PLD5: variants seen among roughly 807,000 people sequenced by gnomAD.
PLD5 encodes phospholipase D family member 5, also known as inactive phospholipase D5.
Under a neutral mutation model 61.1 loss-of-function variants are expected in PLD5, and 36 were observed. The ratio of observed to expected loss-of-function variants is 0.59; its 90% CI spans 0.45 to 0.78. PLD5 has a LOEUF of 0.78. Ranked by LOEUF, PLD5 falls within the 30% of genes least tolerant of loss-of-function variation. The pLI is 0.00. For missense variants in PLD5, 515 were observed against 644.4 expected (o/e 0.80, Z 2.17); for synonymous variants, 243 against 242.8 (o/e 1.00, Z -0.01).
intron 1 of PLD5, among the ~76,000 whole-genome samples, chr1:242,479,489 A>G (rs956931093): frequency 3.3e-5 from 5 of 152,174 alleles, no homozygotes; most frequent in Non-Finnish European, 5.9e-5. Flanking sequence ...TATAAACTGA[A>G]AAACCACTGC....
Position 242,109,708 on chromosome 1 carries a change from AT to A in PLD5, c.1071-1870del, listed in dbSNP as rs1373888190. Among the ~76,000 whole-genome samples the A allele has an allele frequency of 3.4e-5, 5 of 148,884 alleles. No homozygotes were observed. The East Asian group carries it at 5.8e-4, about 17-fold the overall frequency. ...ACCCTTTTCTGACAAATTCCTCATTATTTTTTTTCAAGAAATTTTTGTGGGG... is the reference window on the plus strand; with the variant it reads ...ACCCTTTTCTGACAAATTCCTCATTATTTTTTTCAAGAAATTTTTGTGGGG... On this transcript the variant is annotated intron_variant, in intron 7 of 9. Transcript: ENST00000536534.
intron 1 of PLD5, among the ~76,000 whole-genome samples, chr1:242,444,353 T>G (rs533191757): frequency 2.4e-4 from 36 of 152,246 alleles, no homozygotes; most frequent in Middle Eastern, 6.8e-3. Context: ...AGTTTTCAAG[T>G]ACCGGAGAAG....
At chr1:242,267,403 G>T (rs925925777) in intron 3 of PLD5, among the ~76,000 whole-genome samples, 6 of 152,176 alleles carry the variant, frequency 3.9e-5, no homozygotes, top group African/African-American at 1.4e-4. Flanking sequence ...TTGCACCATT[G>T]CACCTGTGCC....
At chr1:242,153,135 G>A (rs1014749233) in intron 5 of PLD5, among the ~76,000 whole-genome samples, 4 of 150,992 alleles carry the variant, frequency 2.6e-5, no homozygotes, top group African/African-American at 9.8e-5. Context: ...TCATATGTTT[G>A]TTGTCTGCAT....
intron 4 of PLD5, among the ~76,000 whole-genome samples, chr1:242,229,638 C>A (rs1014399554): frequency 2.4e-4 from 36 of 152,224 alleles, no homozygotes; most frequent in Admixed American, 1.1e-3. Context: ...TTGACATTAT[C>A]ATGAATGGAA....
chr1:242,428,945 C>CA (rs1326592657), intron 1 of PLD5, among the ~76,000 whole-genome samples: 2 of 152,150 alleles, frequency 1.3e-5, no homozygotes, highest in Non-Finnish European at 2.9e-5. Context: ...TTGAGGCTTC[C>CA]AGGCAAAGGT....
At chr1:242,444,657 TTTAA>T (rs1232163264) in intron 1 of PLD5, among the ~76,000 whole-genome samples, 3 of 328 alleles carry the variant, frequency 9.1e-3, no homozygotes, top group African/African-American at 0.05. Flanking sequence ...AATATAAATA[TTTAA>T]TTATACTATA....
At chr1:242,303,308 G>T (rs962264550) in intron 2 of PLD5, among the ~76,000 whole-genome samples, 1 of 152,190 alleles carries the variant, frequency 6.6e-6, no homozygotes, top group Non-Finnish European at 1.5e-5. Flanking sequence ...TCAGCCCATT[G>T]CTTCAAGCAG....
At chr1:242,368,390 G>GA (rs1661456549) in intron 1 of PLD5, among the ~76,000 whole-genome samples, 1 of 152,094 alleles carries the variant, frequency 6.6e-6, no homozygotes, top group African/African-American at 2.4e-5. Flanking sequence ...GGAGATCAAA[G>GA]ACCTGGACAC....
rs1574711702 is a variant in PLD5 at position 242,311,766 on chromosome 1, G to A, written c.327-23236C>T. On this transcript the variant is annotated intron_variant, in intron 2 of 9. Coordinates refer to ENST00000536534, the MANE Select transcript of PLD5 (RefSeq NM_001372062.1). ...CATTTATGTCTTTCCTCAAATTGGGGGTATTTTCTGTCATTGTTTCTTCAA... is the reference window on the plus strand; with the variant it reads ...CATTTATGTCTTTCCTCAAATTGGGAGTATTTTCTGTCATTGTTTCTTCAA... Among the ~76,000 whole-genome samples the A allele has an allele frequency of 7.9e-5, 12 of 152,012 alleles. 1 individual carries two copies. In the South Asian group the frequency reaches 2.5e-3, roughly 32 times the overall value.
intron 1 of PLD5, among the ~76,000 whole-genome samples, chr1:242,381,010 A>G (rs574595960): frequency 2.6e-5 from 4 of 152,340 alleles, no homozygotes; most frequent in Admixed American, 2.6e-4. Flanking sequence ...AAGATCTAGA[A>G]CCAGAAATAC....
chr1:242,300,436 G>A lies in PLD5; in HGVS notation c.327-11906C>T, dbSNP rs1462461627. Among the ~76,000 whole-genome samples the A allele has an allele frequency of 1.8e-5, 2 of 111,442 alleles. 1 individual carries two copies. The highest frequency in any genetic ancestry group is 3.7e-5 in the Non-Finnish European group (2 of 54,662). 73.1% of individuals were successfully genotyped at this position (111,442 alleles called of 152,430 possible). A position where few individuals can be genotyped will look rare whatever the true frequency, so the allele number is the denominator to read the frequency against. Reference sequence around the variant, plus strand: ...TCCAGCCTGGGGTGGGGTGGCGGGAGAGGAGGAGGAGGAAGAAGAAAGAAA... The same window carrying A: ...TCCAGCCTGGGGTGGGGTGGCGGGAAAGGAGGAGGAGGAAGAAGAAAGAAA... On this transcript the variant is annotated intron_variant, in intron 2 of 9. Coordinates refer to ENST00000536534, the MANE Select transcript of PLD5 (RefSeq NM_001372062.1).
chr1:242,527,426 G>A (rs1025180883), upstream of PLD5, among the ~76,000 whole-genome samples: 23 of 152,218 alleles, frequency 1.5e-4, no homozygotes, highest in Admixed American at 1.0e-3. Context: ...GTGAGCCACC[G>A]CGCCCGGCCA....
chr1:242,178,865 T>C (rs1200979713), intron 5 of PLD5, among the ~76,000 whole-genome samples: 1 of 152,196 alleles, frequency 6.6e-6, no homozygotes, highest in Non-Finnish European at 1.5e-5. Context: ...TACATTCTAC[T>C]CCAGTGCAAA....
chr1:242,423,707 T>C (rs977505981), intron 1 of PLD5, among the ~76,000 whole-genome samples: 1 of 152,176 alleles, frequency 6.6e-6, no homozygotes, highest in Non-Finnish European at 1.5e-5. Flanking sequence ...GCACCCTGTA[T>C]GGGAATCCCC....
chr1:242,110,109 A>G (rs2148693800), intron 7 of PLD5, among the ~76,000 whole-genome samples: 1 of 149,440 alleles, frequency 6.7e-6, no homozygotes, highest in South Asian at 2.1e-4. Context: ...TATTATCATA[A>G]AGGCCATTAG....
chr1:242,488,516 A>G lies in PLD5; in HGVS notation c.189+35572T>C, dbSNP rs1211854693. On this transcript the variant is annotated intron_variant, in intron 1 of 9. Transcript: ENST00000536534. ...GCCTTTTAAATACTAAGTGATTCCA[A>G]TGACATTCTGGAAAAGGCAAAACTA... Among the ~76,000 whole-genome samples the G allele has an allele frequency of 5.3e-5, 8 of 152,330 alleles. No individual in the cohort carries two copies. The East Asian group carries it at 7.7e-4, about 15-fold the overall frequency.
chr1:242,466,979 G>A (rs527450308), intron 1 of PLD5, among the ~76,000 whole-genome samples: 9 of 152,118 alleles, frequency 5.9e-5, no homozygotes, highest in South Asian at 2.1e-4. Flanking sequence ...ATAGGAAGAT[G>A]TAGTTCAAAG....
chr1:242,427,591 T>C (rs1665502564), intron 1 of PLD5, among the ~76,000 whole-genome samples: 1 of 152,188 alleles, frequency 6.6e-6, no homozygotes, highest in Non-Finnish European at 1.5e-5. Flanking sequence ...CTTAAACTCT[T>C]GGAAATTTTA....
Sources: gnomAD v4.1 joint callset for allele counts (sites outside exome capture counted in the v4.1 genomes callset) on GRCh38, gnomAD v4.1.1 for gene constraint, MANE v1.5 for transcripts, NCBI Gene and HGNC (gene_info 2026-07-23, HGNC 2026-07-21) for gene names.